Variants in NAP1L1 observed in about 807,000 individuals in gnomAD.
NAP1L1 encodes nucleosome assembly protein 1-like 1.
Under a neutral mutation model 58.9 loss-of-function variants are expected in NAP1L1, and 9 were observed. The ratio of observed to expected loss-of-function variants is 0.15; its 90% CI spans 0.09 to 0.27. The LOEUF (loss-of-function observed/expected upper bound fraction) is 0.27, where lower values mean the gene tolerates loss of function less well. Among genes scored for constraint, NAP1L1 ranks in the 10% least tolerant of loss-of-function variants. The probability of loss-of-function intolerance (pLI) is 1.00; values close to 1 mark genes in which losing one functional copy is unlikely to be tolerated. For missense variants in NAP1L1, 302 were observed against 458.8 expected, an observed-to-expected ratio of 0.66 and a Z score of 3.12; for synonymous variants, 130 against 138.3, an observed-to-expected ratio of 0.94 and a Z score of 0.42.
chr12:76,067,525 CT>C, intron 3 of NAP1L1, 52 bp from the exon 4 acceptor site: 2 of 1,423,490 alleles, frequency 1.4e-6, no homozygotes, highest in Non-Finnish European at 1.9e-6. Flanking sequence ...ATGTATTATG[CT>C]TTTTTAATAG....
intron 1 of NAP1L1, among the ~76,000 whole-genome samples, chr12:76,078,994 T>TAC (rs756057648): frequency 0.055 from 8,299 of 151,364 alleles, 611 homozygotes; most frequent in African/African-American, 0.17. Flanking sequence ...TATATATATA[T>TAC]ACACACACAC....
At chr12:76,061,194 TG>T (rs1949397901) in intron 4 of NAP1L1, 2 of 215,656 alleles carry the variant, frequency 9.3e-6, no homozygotes, top group Non-Finnish European at 2.0e-5. Flanking sequence ...TAGGGGTGTA[TG>T]TGAAGGTTTG....
rs139238498 is a variant in NAP1L1, at chr12:76,049,910, G to T, written c.1060-125C>A. The T allele has an allele frequency of 9.8e-4, 961 of 980,360 alleles. 4 individuals are homozygous for T. In the African/African-American group the frequency reaches 0.014, roughly 14 times the overall value. 60.7% of individuals were successfully genotyped at this position (980,360 alleles called of 1,614,324 possible). On this transcript the variant is annotated intron_variant, in intron 12 of 14. Coordinates refer to ENST00000618691, the MANE Select transcript of NAP1L1 (RefSeq NM_004537.7). ...AGAAAACCTACTTTCCTATCAAGGG[G>T]CTGATTATAAATTAAAACACATAGT...
rs1258119272 is a variant in NAP1L1, at chr12:76,072,566, G to T, written c.17+1637C>A. On this transcript the variant is annotated intron_variant, in intron 2 of 14. Coordinates refer to ENST00000618691, the MANE Select transcript of NAP1L1 (RefSeq NM_004537.7). Reference sequence around the variant, plus strand: ...CTGAACTAAAAGCCACTGAATTGCTGCACTGAAAGGGTCCACCACTGAATA... The same window carrying T: ...CTGAACTAAAAGCCACTGAATTGCTTCACTGAAAGGGTCCACCACTGAATA... 2.0e-5 allele frequency among the ~76,000 whole-genome samples: 3 copies of T among 152,168 alleles called. No homozygotes were observed. The East Asian group carries it at 5.8e-4, about 29-fold the overall frequency.
rs1247557122 is a variant in NAP1L1 at position 76,042,733 on chromosome 12, CTG to C, written c.*5694_*5695del. ...TCACCTGAAAGGCCCTAGAAATACC[CTG>C]TAAAGAGCATATTCAGCAACTGGAC... On this transcript the variant is annotated 3_prime_UTR_variant, in exon 15 of 15. Coordinates refer to ENST00000618691, the MANE Select transcript of NAP1L1 (RefSeq NM_004537.7). 1.3e-5 allele frequency: 2 copies of C among 152,152 alleles called. No individual in the cohort carries two copies. The highest frequency in any genetic ancestry group is 2.9e-5 in the Non-Finnish European group (2 of 68,034). 9.4% of individuals were successfully genotyped at this position (152,152 alleles called of 1,614,324 possible).
At chr12:76,057,284 T>A (rs894116584) in intron 6 of NAP1L1, 2 of 311,466 alleles carry the variant, frequency 6.4e-6, no homozygotes, top group Non-Finnish European at 1.3e-5. Context: ...AGCAAGTCCC[T>A]GTCTCTTAAA....
chr12:76,074,060 C>T, intron 2 of NAP1L1, 143 bp downstream of exon 2: 2 of 687,544 alleles, frequency 2.9e-6, no homozygotes, highest in East Asian at 2.8e-5. Flanking sequence ...ACCTTGAATA[C>T]ACTGCACTAG....
chr12:76,049,440 C>G, intron 13 of NAP1L1, 190 bp from the exon 14 acceptor site: 1 of 1,535,554 alleles, frequency 6.5e-7, no homozygotes, highest in Non-Finnish European at 8.7e-7. Context: ...TTGAGACATC[C>G]AGACAGCTTT....
At chr12:76,072,569 C>T (rs1482589569) in intron 2 of NAP1L1, among the ~76,000 whole-genome samples, 1 of 152,134 alleles carries the variant, frequency 6.6e-6, no homozygotes, top group Non-Finnish European at 1.5e-5. Context: ...AATTGCTGCA[C>T]TGAAAGGGTC....
chr12:76,081,394 CCT>C (rs1336711700), intron 1 of NAP1L1, among the ~76,000 whole-genome samples: 3 of 151,988 alleles, frequency 2.0e-5, no homozygotes, highest in Non-Finnish European at 4.4e-5. Context: ...ATTATTTATC[CCT>C]GTTATGCTCT....
intron 1 of NAP1L1, among the ~76,000 whole-genome samples, chr12:76,079,799 T>C (rs1376127314): frequency 6.6e-6 from 1 of 151,648 alleles, no homozygotes; most frequent in African/African-American, 2.4e-5. Flanking sequence ...TCCTCTCACC[T>C]CAGCCTCCTG....
At chr12:76,070,675 G>A (rs1334918902) in intron 2 of NAP1L1, among the ~76,000 whole-genome samples, 1 of 152,144 alleles carries the variant, frequency 6.6e-6, no homozygotes, top group African/African-American at 2.4e-5. Flanking sequence ...TACATCAGCA[G>A]AGTTGAGTAC....
intron 4 of NAP1L1, among the ~76,000 whole-genome samples, chr12:76,063,881 TAAAAAAA>T (rs10693123): frequency 1.5e-5 from 2 of 137,502 alleles, no homozygotes; most frequent in South Asian, 2.5e-4. Flanking sequence ...GTTAAAAGTT[TAAAAAAA>T]AAAAAAAAAA....
At position 76,044,853 on chromosome 12, in the gene NAP1L1, TAA is replaced by T. The variant is rs1354590684; in HGVS notation, c.*3574_*3575del. Reference sequence around the variant, plus strand: ...ACCAACAAGGATGTTTCCATTTCTGTAAAGTCATGTAAGTGATCCTCAATCAG... The same window carrying T: ...ACCAACAAGGATGTTTCCATTTCTGTAGTCATGTAAGTGATCCTCAATCAG... On this transcript the variant is annotated 3_prime_UTR_variant, in exon 15 of 15. Transcript: ENST00000618691. The T allele has an allele frequency of 6.6e-6, 1 of 152,196 alleles. No homozygotes were observed. The highest frequency in any genetic ancestry group is 1.5e-5 in the Non-Finnish European group (1 of 68,014). 9.4% of individuals were successfully genotyped at this position (152,196 alleles called of 1,614,324 possible). A position where few individuals can be genotyped will look rare whatever the true frequency, so the allele number is the denominator to read the frequency against.
At chr12:76,071,381 G>A (rs972803443) in intron 2 of NAP1L1, among the ~76,000 whole-genome samples, 4 of 152,186 alleles carry the variant, frequency 2.6e-5, no homozygotes, top group African/African-American at 9.7e-5. Context: ...AGTTTAAAAT[G>A]AGAGTTGCAA....
At chr12:76,069,340 T>C (rs940324002) in intron 2 of NAP1L1, among the ~76,000 whole-genome samples, 2 of 152,244 alleles carry the variant, frequency 1.3e-5, no homozygotes, top group African/African-American at 4.8e-5. Context: ...TCATTTTATA[T>C]GAGATGGCAA....
At chr12:76,075,597 C>T (rs1950142658) in intron 1 of NAP1L1, among the ~76,000 whole-genome samples, 1 of 151,878 alleles carries the variant, frequency 6.6e-6, no homozygotes, top group South Asian at 2.1e-4. Context: ...TAAATAATTC[C>T]TAATAGTACT....
intron 4 of NAP1L1, 101 bp downstream of exon 4, chr12:76,067,270 G>A (rs994829672): frequency 4.4e-5 from 38 of 866,206 alleles, no homozygotes; most frequent in Non-Finnish European, 6.2e-5. Flanking sequence ...CAGACAATAG[G>A]TTTCCACTAT....
chr12:76,047,234 T>G lies in NAP1L1; in HGVS notation c.*1195A>C, dbSNP rs979476479. The G allele has an allele frequency of 7.9e-5, 12 of 152,528 alleles. No homozygotes were observed. The highest frequency in any genetic ancestry group is 2.9e-4 in the African/African-American group (12 of 41,526). The allele number at this position is 152,528 out of a possible 1,614,324, so 9.4% of individuals were successfully genotyped here. A position where few individuals can be genotyped will look rare whatever the true frequency, so the allele number is the denominator to read the frequency against. ...TTAACACATCCATGAGGTAGTTAGG[T>G]AAACAGTACTACCCATTTTAATTAC... On this transcript the variant is annotated 3_prime_UTR_variant, in exon 15 of 15. Transcript: ENST00000618691.
Sources: gnomAD v4.1 joint callset for allele counts (sites outside exome capture counted in the v4.1 genomes callset) on GRCh38, gnomAD v4.1.1 for gene constraint, MANE v1.5 for transcripts, NCBI Gene and HGNC (gene_info 2026-07-23, HGNC 2026-07-21) for gene names.